Variants in SV2C observed in about 807,000 individuals in gnomAD.
SV2C encodes the protein solute carrier family 22 member B3.
A neutral mutation model predicts 79.7 loss-of-function variants in SV2C; 49 were observed. The observed-to-expected ratio is 0.61, with a 90% CI of 0.49 to 0.78. The LOEUF is 0.78. Ranked by LOEUF, SV2C falls within the 30% of genes least tolerant of loss-of-function variation. The pLI is 0.00. For synonymous variants in SV2C, 334 were observed against 333.2 expected (o/e 1.00, Z -0.03); for missense variants, 833 against 912.9 (o/e 0.91, Z 1.13).
chr5:76,325,056 C>T (rs932821002), intron 12 of SV2C, among the ~76,000 whole-genome samples: 1 of 152,140 alleles, frequency 6.6e-6, no homozygotes, highest in Non-Finnish European at 1.5e-5. Context: ...CTTCCAACAA[C>T]GTTAAACCAC....
intron 4 of SV2C, among the ~76,000 whole-genome samples, chr5:76,227,986 G>C (rs1030802520): frequency 2.0e-5 from 3 of 152,300 alleles, no homozygotes; most frequent in African/African-American, 7.2e-5. Context: ...TTTTATCATT[G>C]CTAAGCTACT....
intron 2 of SV2C, among the ~76,000 whole-genome samples, chr5:76,135,041 G>A (rs1749022856): frequency 6.6e-6 from 1 of 152,194 alleles, no homozygotes; most frequent in Non-Finnish European, 1.5e-5. Flanking sequence ...CGAGCAGGGA[G>A]AACATGTTAC....
Position 76,158,306 on chromosome 5 carries a change from C to T in SV2C, c.580+25976C>T, listed in dbSNP as rs556143933. On this transcript the variant is annotated intron_variant, in intron 2 of 12. Transcript: ENST00000502798. ...GAACTATATACTGTCTACAGAGCCA[C>T]ACTTTATATTCAAAGATACAAATAG... 2.0e-5 allele frequency among the ~76,000 whole-genome samples: 3 copies of T among 151,682 alleles called. No homozygotes were observed. In the East Asian group the frequency reaches 5.8e-4, roughly 29 times the overall value.
the SV2C span, among the ~76,000 whole-genome samples, chr5:75,967,532 C>T: frequency 1.9e-4 from 29 of 152,220 alleles, no homozygotes; most frequent in African/African-American, 7.0e-4. Context: ...ATATCCCGCA[C>T]ATGGCTCAGA....
chr5:75,970,000 G>C, the SV2C span, among the ~76,000 whole-genome samples: 9 of 151,970 alleles, frequency 5.9e-5, no homozygotes, highest in African/African-American at 2.2e-4. Context: ...AATCAAACTA[G>C]AACTCAGGAT....
intron 2 of SV2C, among the ~76,000 whole-genome samples, chr5:76,139,768 A>G (rs1050428288): frequency 6.6e-6 from 1 of 152,196 alleles, no homozygotes; most frequent in Admixed American, 6.5e-5. Flanking sequence ...AGCTAGACCA[A>G]TAATATCAAA....
At chr5:75,879,542 A>G in the SV2C span, among the ~76,000 whole-genome samples, 1 of 152,198 alleles carries the variant, frequency 6.6e-6, no homozygotes, top group Non-Finnish European at 1.5e-5. Context: ...CATGTTCCAT[A>G]TTTAGGGCAC....
At chr5:76,021,977 T>A in the SV2C span, among the ~76,000 whole-genome samples, 2 of 152,124 alleles carry the variant, frequency 1.3e-5, no homozygotes, top group South Asian at 2.1e-4. Flanking sequence ...TCATTTCTAG[T>A]CCTCATTCTC....
the SV2C span, among the ~76,000 whole-genome samples, chr5:75,998,082 A>C: frequency 2.0e-5 from 3 of 152,132 alleles, no homozygotes; most frequent in Non-Finnish European, 2.9e-5. Flanking sequence ...TCAGCAAACT[A>C]TCACAAGGAC....
At chr5:76,164,752 A>T (rs965444685) in intron 2 of SV2C, among the ~76,000 whole-genome samples, 1 of 47,490 alleles carries the variant, frequency 2.1e-5, no homozygotes, top group Non-Finnish European at 3.6e-5. Flanking sequence ...GTGTGTGTGT[A>T]AACATATATA....
the SV2C span, among the ~76,000 whole-genome samples, chr5:75,954,902 A>C: frequency 6.9e-6 from 1 of 145,626 alleles, no homozygotes; most frequent in Non-Finnish European, 1.5e-5. Context: ...AGAGGATACA[A>C]ACAAATGGAA....
chr5:75,871,834 T>TATATACACACAC, the SV2C span, among the ~76,000 whole-genome samples: 5 of 118,856 alleles, frequency 4.2e-5, no homozygotes, highest in African/African-American at 1.6e-4. Context: ...TATATATATA[T>TATATACACACAC]ACACACACAC....
At chr5:75,967,174 A>G in the SV2C span, among the ~76,000 whole-genome samples, 1 of 152,064 alleles carries the variant, frequency 6.6e-6, no homozygotes, top group African/African-American at 2.4e-5. Context: ...TCTCTACCAA[A>G]AAAACTTTAA....
intron 1 of SV2C, among the ~76,000 whole-genome samples, chr5:76,110,319 G>A (rs1490505420): frequency 6.6e-6 from 1 of 152,164 alleles, no homozygotes; most frequent in Non-Finnish European, 1.5e-5. Flanking sequence ...TGTTGTGCTC[G>A]TTGGGAAGTG....
chr5:76,053,934 T>G, the SV2C span, among the ~76,000 whole-genome samples: 1 of 152,096 alleles, frequency 6.6e-6, no homozygotes, highest in African/African-American at 2.4e-5. Flanking sequence ...AAATTATTAA[T>G]AATAATTTAT....
At chr5:76,016,235 G>T in the SV2C span, among the ~76,000 whole-genome samples, 1 of 67,400 alleles carries the variant, frequency 1.5e-5, no homozygotes, top group African/African-American at 6.7e-5. Flanking sequence ...AAAGAGGAAG[G>T]TCTCCTTTTT....
At chr5:76,250,429 C>T (rs1561283331) in intron 4 of SV2C, among the ~76,000 whole-genome samples, 1 of 152,148 alleles carries the variant, frequency 6.6e-6, no homozygotes, top group Non-Finnish European at 1.5e-5. Context: ...TGTCATTTCA[C>T]GTTGTTGTTG....
chr5:76,207,887 T>G (rs1744653195), intron 3 of SV2C, among the ~76,000 whole-genome samples: 1 of 152,252 alleles, frequency 6.6e-6, no homozygotes, highest in Non-Finnish European at 1.5e-5. Context: ...CTATCCATTG[T>G]ATGAGCTCCT....
chr5:76,030,289 T>TTTATTTATTTATTTATTTATTTA, the SV2C span, among the ~76,000 whole-genome samples: 3 of 117,910 alleles, frequency 2.5e-5, no homozygotes, highest in African/African-American at 1.2e-4. Flanking sequence ...TTTTTTTTTT[T>TTTATTTATTTATTTATTTATTTA]TTTATTTATT....
Sources: allele counts gnomAD v4.1 joint callset (sites outside exome capture counted in the v4.1 genomes callset), GRCh38; gene constraint gnomAD v4.1.1; transcripts MANE v1.5; gene names NCBI Gene and HGNC (gene_info 2026-07-23, HGNC 2026-07-21).